Variants in BCAR3 observed in about 807,000 individuals in gnomAD.
The protein encoded by BCAR3 is BCAR3 adaptor protein, NSP family member, also known as breast cancer anti-estrogen resistance protein 3.
In BCAR3, 37 loss-of-function variants were observed where a neutral mutation model predicts 80.1. The observed-to-expected ratio is 0.46, with a 90% CI of 0.36 to 0.61. BCAR3 has a LOEUF of 0.61. BCAR3 is among the 20% of genes least tolerant of loss of function. The pLI is 0.00. For missense variants in BCAR3, 978 were observed against 1,068.2 expected (o/e 0.92, Z 1.18); for synonymous variants, 389 against 418.9 (o/e 0.93, Z 0.87).
At chr1:93,715,305 T>A (rs1650159439) in intron 2 of BCAR3, among the ~76,000 whole-genome samples, 1 of 152,250 alleles carries the variant, frequency 6.6e-6, no homozygotes, top group Admixed American at 6.5e-5. Flanking sequence ...TTTCTTAACT[T>A]TTCACAAAGT....
intron 2 of BCAR3, among the ~76,000 whole-genome samples, chr1:93,815,168 C>T (rs1327274837): frequency 6.6e-6 from 1 of 152,154 alleles, no homozygotes; most frequent in Non-Finnish European, 1.5e-5. Context: ...GCATTCAGGT[C>T]CCACCGGGCC....
rs193259022 is a variant in BCAR3, at chr1:93,830,551, G to A, written c.-63+15016C>T. On this transcript the variant is annotated intron_variant, in intron 2 of 13. Coordinates refer to the BCAR3 transcript ENST00000370244. ...CCCCACTGAGCATCTTCTGATCCCCGCCCCTGCCTCCAAGAGAAAAACCCC... is the reference window on the plus strand; with the variant it reads ...CCCCACTGAGCATCTTCTGATCCCCACCCCTGCCTCCAAGAGAAAAACCCC... Among the ~76,000 whole-genome samples, 251 of 151,466 alleles carry A rather than the reference G, an allele frequency of 1.7e-3. 1 individual carries two copies. Among genetic ancestry groups the A allele is most frequent in the Non-Finnish European group, 2.8e-3 (189 of 67,888 alleles).
chr1:93,725,908 G>A (rs1650565525), intron 2 of BCAR3, among the ~76,000 whole-genome samples: 1 of 152,118 alleles, frequency 6.6e-6, no homozygotes, highest in African/African-American at 2.4e-5. Context: ...ATATTTGGCA[G>A]GTCTATTTCT....
intron 3 of BCAR3, among the ~76,000 whole-genome samples, chr1:93,594,024 A>G (rs578012526): frequency 7.2e-5 from 11 of 152,326 alleles, no homozygotes; most frequent in East Asian, 3.9e-4. Context: ...GTCCGCTCCC[A>G]TCATTAATAT....
chr1:93,820,518 T>G (rs1361316186), intron 2 of BCAR3, among the ~76,000 whole-genome samples: 2 of 152,210 alleles, frequency 1.3e-5, no homozygotes, highest in African/African-American at 4.8e-5. Flanking sequence ...TTGCTTACTC[T>G]GATTAGTTTA....
intron 2 of BCAR3, among the ~76,000 whole-genome samples, chr1:93,738,773 C>T (rs1211562218): frequency 6.6e-6 from 1 of 152,036 alleles, no homozygotes; most frequent in Non-Finnish European, 1.5e-5. Flanking sequence ...GCGGGGGGTG[C>T]CAGGGTTAGG....
rs200532792 is a variant in BCAR3, at chr1:93,589,439, G to A, written c.487-20C>T. ...AGACACCTTTGGGACAAAAAGGTGA[G>A]TGAGGAGTAGGAAAGGCAAATTCAC... On this transcript the variant is annotated intron_variant, in intron 4 of 11. Coordinates refer to ENST00000260502, the MANE Select transcript of BCAR3 (RefSeq NM_003567.4). 16 of 1,592,284 alleles carry A rather than the reference G, an allele frequency of 1.0e-5. No homozygotes were observed. Among genetic ancestry groups the A allele is most frequent in the Non-Finnish European group, 1.2e-5 (14 of 1,170,628 alleles).
intron 3 of BCAR3, among the ~76,000 whole-genome samples, chr1:93,688,181 T>C (rs1017716762): frequency 6.6e-5 from 10 of 152,230 alleles, no homozygotes; most frequent in African/African-American, 2.4e-4. Context: ...TACTATCACG[T>C]TGGCCAGAGA....
intron 2 of BCAR3, among the ~76,000 whole-genome samples, chr1:93,732,798 A>ATC (rs1293966057): frequency 2.0e-5 from 3 of 151,920 alleles, no homozygotes; most frequent in Admixed American, 6.6e-5. Flanking sequence ...AAGTAAAGAG[A>ATC]TCTCCCCTCC....
At chr1:93,845,701 G>A (rs1655151660) in exon 2 of BCAR3, 1 of 151,966 alleles carries the variant, frequency 6.6e-6, no homozygotes, top group South Asian at 2.1e-4. Context: ...TGAGGGATGA[G>A]GTAATGTCTC....
intron 8 of BCAR3, 81 bp downstream of exon 8, chr1:93,575,933 C>G: frequency 8.0e-7 from 1 of 1,253,018 alleles, no homozygotes; most frequent in Non-Finnish European, 1.2e-6. Context: ...GGTGCTGCGC[C>G]TCTCTTTGTT....
intron 2 of BCAR3, among the ~76,000 whole-genome samples, chr1:93,769,356 T>TGTGC (rs1491213967): frequency 2.3e-3 from 31 of 13,728 alleles, no homozygotes; most frequent in Admixed American, 7.6e-3. Flanking sequence ...TGGGTAGGAA[T>TGTGC]GTGTGTGTGT....
intron 2 of BCAR3, among the ~76,000 whole-genome samples, chr1:93,781,455 TCA>T (rs1652759506): frequency 6.6e-6 from 1 of 152,214 alleles, no homozygotes; most frequent in African/African-American, 2.4e-5. Context: ...AATATTAACA[TCA>T]ATTAATATTG....
intron 2 of BCAR3, among the ~76,000 whole-genome samples, chr1:93,643,096 G>A (rs538038484): frequency 1.3e-5 from 2 of 151,442 alleles, no homozygotes; most frequent in South Asian, 2.1e-4. Context: ...GTGTGGTGGC[G>A]CATGTCTGTA....
At chr1:93,811,141 G>C (rs1190364684) in intron 2 of BCAR3, among the ~76,000 whole-genome samples, 1 of 152,228 alleles carries the variant, frequency 6.6e-6, no homozygotes, top group East Asian at 1.9e-4. Context: ...CGTGAAAGCT[G>C]ATGGGGACAC....
chr1:93,706,088 C>T (rs542408734), intron 3 of BCAR3: 1 of 152,580 alleles, frequency 6.6e-6, no homozygotes, highest in Admixed American at 6.5e-5. Context: ...AGGCCACTTC[C>T]TACCTTGCCT....
At chr1:93,581,033 G>T (rs1673683517) in intron 7 of BCAR3, among the ~76,000 whole-genome samples, 3 of 152,118 alleles carry the variant, frequency 2.0e-5, no homozygotes, top group African/African-American at 7.2e-5. Flanking sequence ...GTGGTGGCAT[G>T]CGCCTGTGGT....
intron 6 of BCAR3, among the ~76,000 whole-genome samples, chr1:93,583,342 A>G (rs1673798353): frequency 6.6e-6 from 1 of 152,204 alleles, no homozygotes; most frequent in African/African-American, 2.4e-5. Context: ...TGCCACTCTC[A>G]AAGGGTGGAT....
chr1:93,727,475 T>A (rs770870389), intron 2 of BCAR3, among the ~76,000 whole-genome samples: 1 of 152,220 alleles, frequency 6.6e-6, no homozygotes, highest in Non-Finnish European at 1.5e-5. Flanking sequence ...CGGCAATGTA[T>A]TAAAAACTGG....
Sources: allele counts gnomAD v4.1 joint callset (sites outside exome capture counted in the v4.1 genomes callset), GRCh38; gene constraint gnomAD v4.1.1; transcripts MANE v1.5; gene names NCBI Gene and HGNC (gene_info 2026-07-23, HGNC 2026-07-21).